The following RAB28 variants were observed in gnomAD, a reference collection of about 807,000 sequenced individuals.
RAB28 encodes ras-related protein Rab-28.
A neutral mutation model predicts 31.7 loss-of-function variants in RAB28; 24 were observed. That is an observed-to-expected ratio of 0.76 (90% CI 0.55 to 1.06). RAB28 has a LOEUF of 1.06. Among genes scored for constraint, RAB28 ranks in the 50% least tolerant of loss-of-function variants. The pLI, the probability that RAB28 is intolerant of heterozygous loss-of-function variation, is 0.00. For missense variants in RAB28, 254 were observed against 258.5 expected (o/e 0.98, Z 0.12); for synonymous variants, 100 against 90.4 (o/e 1.11, Z -0.60).
At chr4:13,476,299 T>G (rs1276254493) in intron 2 of RAB28, among the ~76,000 whole-genome samples, 1 of 151,498 alleles carries the variant, frequency 6.6e-6, no homozygotes. Flanking sequence ...ATCTAAGAGG[T>G]TCATAGTCAT....
At chr4:13,386,308 C>T (rs1008426484) in intron 4 of RAB28, among the ~76,000 whole-genome samples, 1 of 151,982 alleles carries the variant, frequency 6.6e-6, no homozygotes, top group African/African-American at 2.4e-5. Context: ...AAACTATCAA[C>T]AGAGTAAACA....
At chr4:13,482,216 AAC>A (rs966598315) in intron 1 of RAB28, among the ~76,000 whole-genome samples, 4 of 152,188 alleles carry the variant, frequency 2.6e-5, no homozygotes, top group African/African-American at 7.2e-5. Context: ...AAAAATTTTA[AAC>A]AGAGATAAAA....
intron 4 of RAB28, among the ~76,000 whole-genome samples, chr4:13,401,350 G>A (rs1277742566): frequency 1.3e-5 from 2 of 152,050 alleles, no homozygotes; most frequent in African/African-American, 4.8e-5. Flanking sequence ...ACACAGGGAG[G>A]GGAAAATCAC....
intron 4 of RAB28, among the ~76,000 whole-genome samples, chr4:13,415,579 CGGCCCACTGGCA>C (rs1712720588): frequency 6.6e-6 from 1 of 152,144 alleles, no homozygotes; most frequent in Non-Finnish European, 1.5e-5. Context: ...CCAGCAGTGC[CGGCCCACTGGCA>C]CTGCGCTCGA....
intron 4 of RAB28, among the ~76,000 whole-genome samples, chr4:13,426,600 G>T (rs1014992864): frequency 3.3e-5 from 5 of 151,832 alleles, no homozygotes; most frequent in African/African-American, 7.3e-5. Flanking sequence ...TATTTTTATG[G>T]CTATACCTTG....
intron 4 of RAB28, among the ~76,000 whole-genome samples, chr4:13,430,173 A>ATTT (rs1219674013): frequency 1.1e-4 from 16 of 151,038 alleles, no homozygotes; most frequent in African/African-American, 3.9e-4. Context: ...ATTAAAAAAA[A>ATTT]TTTTTTTTTT....
intron 4 of RAB28, among the ~76,000 whole-genome samples, chr4:13,454,258 A>T (rs750749921): frequency 6.6e-5 from 10 of 152,204 alleles, no homozygotes; most frequent in Non-Finnish European, 1.2e-4. Context: ...GATTTTGTTG[A>T]ATTTTCTACC....
chr4:13,433,798 C>A (rs1180443128), intron 4 of RAB28, among the ~76,000 whole-genome samples: 1 of 152,068 alleles, frequency 6.6e-6, no homozygotes, highest in African/African-American at 2.4e-5. Context: ...CCAGCAATCC[C>A]ATTATGAAGG....
chr4:13,464,007 A>G (rs1056063262), intron 3 of RAB28, among the ~76,000 whole-genome samples: 1 of 152,134 alleles, frequency 6.6e-6, no homozygotes, highest in Non-Finnish European at 1.5e-5. Flanking sequence ...AAGGCAAATC[A>G]TCACCCTGAA....
chr4:13,465,929 T>C (rs1410551268), intron 3 of RAB28, among the ~76,000 whole-genome samples: 1 of 151,512 alleles, frequency 6.6e-6, no homozygotes, highest in Non-Finnish European at 1.5e-5. Context: ...ACATGTACAG[T>C]CAATTGATTT....
At chr4:13,372,574 G>GCAA (rs1341516952) in intron 6 of RAB28, among the ~76,000 whole-genome samples, 4 of 152,042 alleles carry the variant, frequency 2.6e-5, no homozygotes, top group Admixed American at 6.6e-5. Flanking sequence ...AATCCATTAA[G>GCAA]CAACGTTCAA....
intron 2 of RAB28, 36 bp downstream of exon 2, chr4:13,479,394 T>G (rs777877119): frequency 6.9e-7 from 1 of 1,448,962 alleles, no homozygotes; most frequent in Non-Finnish European, 9.5e-7. Flanking sequence ...AAGATTTTTT[T>G]ATAATCTTCT....
chr4:13,398,597 C>T (rs1281623645), intron 4 of RAB28, among the ~76,000 whole-genome samples: 3 of 151,816 alleles, frequency 2.0e-5, no homozygotes, highest in Non-Finnish European at 2.9e-5. Context: ...GCTAACACGG[C>T]GAAACCCCAT....
At chr4:13,458,820 T>C (rs1316375992) in intron 4 of RAB28, among the ~76,000 whole-genome samples, 1 of 152,218 alleles carries the variant, frequency 6.6e-6, no homozygotes, top group Non-Finnish European at 1.5e-5. Context: ...GGCTGTGCCA[T>C]ATAGCTTAGG....
chr4:13,399,281 C>A (rs1201663480), intron 4 of RAB28, among the ~76,000 whole-genome samples: 3 of 152,168 alleles, frequency 2.0e-5, no homozygotes, highest in African/African-American at 4.8e-5. Flanking sequence ...ATATACAGTT[C>A]ATGCATTTGT....
chr4:13,452,977 A>G (rs193217703), intron 4 of RAB28, among the ~76,000 whole-genome samples: 32 of 152,122 alleles, frequency 2.1e-4, no homozygotes, highest in African/African-American at 7.7e-4. Flanking sequence ...TATATTTACA[A>G]TTGTTATGTT....
At chr4:13,438,789 T>A (rs1272234713) in intron 4 of RAB28, among the ~76,000 whole-genome samples, 1 of 151,382 alleles carries the variant, frequency 6.6e-6, no homozygotes, top group Non-Finnish European at 1.5e-5. Flanking sequence ...TACCTAGGAG[T>A]AGAACTGTTA....
chr4:13,405,009 A>G lies in RAB28; in HGVS notation c.392-23415T>C, dbSNP rs116213351. 3.3e-3 allele frequency among the ~76,000 whole-genome samples: 498 copies of G among 151,816 alleles called. 1 individual carries two copies. Among genetic ancestry groups the G allele is most frequent in the African/African-American group, 0.012 (478 of 41,428 alleles). On this transcript the variant is annotated intron_variant, in intron 4 of 6. Transcript: ENST00000330852. ...AATAATCACTCCTAAAGATTTTTAA[A>G]CCCCACATTCAGGTATTTATTTTTA... is the stretch of plus-strand genomic sequence containing the variant.
At chr4:13,466,660 G>C (rs549739478) in intron 3 of RAB28, among the ~76,000 whole-genome samples, 5 of 151,778 alleles carry the variant, frequency 3.3e-5, no homozygotes, top group South Asian at 4.1e-4. Context: ...CTAAGAATAT[G>C]ATCCAGCAAT....
Sources: gnomAD v4.1 joint callset for allele counts (sites outside exome capture counted in the v4.1 genomes callset) on GRCh38, gnomAD v4.1.1 for gene constraint, MANE v1.5 for transcripts, NCBI Gene and HGNC (gene_info 2026-07-23, HGNC 2026-07-21) for gene names.